The following XNDC1N variants were observed in gnomAD, a reference collection of about 807,000 sequenced individuals.
The protein encoded by XNDC1N is protein XNDC1N.
the XNDC1N span, chr11:71,894,115 G>T: frequency 8.7e-5 from 42 of 480,604 alleles, no homozygotes; most frequent in Non-Finnish European, 1.5e-4. Flanking sequence ...AGGGATCCTT[G>T]TGTCTTACTA....
the XNDC1N span, among the ~76,000 whole-genome samples, chr11:71,895,121 T>G: frequency 6.6e-6 from 1 of 152,040 alleles, no homozygotes; most frequent in Non-Finnish European, 1.5e-5. Flanking sequence ...TGGATTTTTT[T>G]TTTTTTTCTT....
the XNDC1N span, among the ~76,000 whole-genome samples, chr11:71,925,185 C>T: frequency 3.9e-5 from 6 of 151,956 alleles, no homozygotes; most frequent in Non-Finnish European, 8.8e-5. Context: ...AACAGAGTGC[C>T]TCACATTACA....
At chr11:71,916,181 G>A in the XNDC1N span, 15 of 702,850 alleles carry the variant, frequency 2.1e-5, 1 homozygote, top group South Asian at 1.9e-4. Context: ...GACTGATGAC[G>A]CGTGAAGGGT....
At chr11:71,912,106 C>T in the XNDC1N span, among the ~76,000 whole-genome samples, 1 of 152,188 alleles carries the variant, frequency 6.6e-6, no homozygotes, top group Admixed American at 6.5e-5. Flanking sequence ...GGTATTTCTA[C>T]ATCTCACCTT....
the XNDC1N span, chr11:71,884,691 T>C: frequency 1.7e-6 from 2 of 1,196,330 alleles, no homozygotes; most frequent in Non-Finnish European, 2.4e-6. Flanking sequence ...TGAAAATGAA[T>C]ATAAATTTTA....
At chr11:71,872,115 T>A in the XNDC1N span, among the ~76,000 whole-genome samples, 381 of 147,538 alleles carry the variant, frequency 2.6e-3, no homozygotes, top group African/African-American at 8.5e-3. Context: ...AGATGATACA[T>A]CATGGATGAA....
the XNDC1N span, among the ~76,000 whole-genome samples, chr11:71,885,866 CATT>C: frequency 6.6e-6 from 1 of 151,694 alleles, no homozygotes; most frequent in South Asian, 2.1e-4. Context: ...CATCATTAAT[CATT>C]AATATTAATC....
At chr11:71,871,126 C>T in the XNDC1N span, among the ~76,000 whole-genome samples, 1 of 152,114 alleles carries the variant, frequency 6.6e-6, no homozygotes, top group African/African-American at 2.4e-5. Flanking sequence ...TTGGAATCAA[C>T]CTAAGTGTCT....
chr11:71,895,079 G>T, the XNDC1N span, among the ~76,000 whole-genome samples: 1 of 151,402 alleles, frequency 6.6e-6, no homozygotes, highest in South Asian at 2.1e-4. Context: ...CAATACCTGA[G>T]ATTCTGATTT....
chr11:71,884,714 C>T, the XNDC1N span: 2 of 1,107,766 alleles, frequency 1.8e-6, no homozygotes, highest in Non-Finnish European at 2.6e-6. Flanking sequence ...AATGCTTACA[C>T]TCTATTTTCA....
the XNDC1N span, among the ~76,000 whole-genome samples, chr11:71,870,910 G>T: frequency 4.6e-5 from 7 of 152,174 alleles, no homozygotes; most frequent in African/African-American, 1.7e-4. Context: ...GTGTAGAAAA[G>T]GGAACACTTG....
At chr11:71,925,711 G>A in the XNDC1N span, among the ~76,000 whole-genome samples, 5 of 145,658 alleles carry the variant, frequency 3.4e-5, no homozygotes, top group Non-Finnish European at 7.6e-5. Context: ...GGCGGATCAC[G>A]AGGTCAGGAG....
the XNDC1N span, among the ~76,000 whole-genome samples, chr11:71,899,636 G>A: frequency 1.3e-5 from 2 of 152,106 alleles, no homozygotes; most frequent in Middle Eastern, 3.2e-3. Context: ...AAAAGTCATC[G>A]CCATTCTCTA....
chr11:71,889,602 T>A, the XNDC1N span, among the ~76,000 whole-genome samples: 1 of 152,128 alleles, frequency 6.6e-6, no homozygotes, highest in South Asian at 2.1e-4. Context: ...AAACCACCCA[T>A]CGAGGTCAGG....
the XNDC1N span, among the ~76,000 whole-genome samples, chr11:71,888,796 C>T: frequency 5.3e-5 from 8 of 152,364 alleles, no homozygotes; most frequent in Non-Finnish European, 8.8e-5. Context: ...ATGCCACACT[C>T]ACCGACTACC....
chr11:71,924,627 G>C, the XNDC1N span, among the ~76,000 whole-genome samples: 4 of 151,966 alleles, frequency 2.6e-5, no homozygotes, highest in South Asian at 4.1e-4. Flanking sequence ...GCAGTGAGCA[G>C]AGATCGTGCC....
chr11:71,912,663 A>C, the XNDC1N span, among the ~76,000 whole-genome samples: 2 of 152,136 alleles, frequency 1.3e-5, no homozygotes, highest in Non-Finnish European at 2.9e-5. Flanking sequence ...TATTAAGAAC[A>C]ATATCGTAGG....
the XNDC1N span, among the ~76,000 whole-genome samples, chr11:71,895,526 C>T: frequency 1.5e-5 from 2 of 136,040 alleles, no homozygotes; most frequent in Non-Finnish European, 3.0e-5. Flanking sequence ...AGTGTTTCTC[C>T]ATTTTGGTCA....
chr11:71,925,402 T>C, the XNDC1N span, among the ~76,000 whole-genome samples: 1 of 152,094 alleles, frequency 6.6e-6, no homozygotes, highest in Non-Finnish European at 1.5e-5. Context: ...ATTGCAGCAA[T>C]AGCAGTAACA....
Sources: allele counts gnomAD v4.1 joint callset (sites outside exome capture counted in the v4.1 genomes callset), GRCh38; gene constraint gnomAD v4.1.1; transcripts MANE v1.5; gene names NCBI Gene and HGNC (gene_info 2026-07-23, HGNC 2026-07-21).